The following CDK12 variants were observed in gnomAD, a reference collection of about 807,000 sequenced individuals.
CDK12 encodes the protein cyclin-dependent kinase 12.
Under a neutral mutation model 133.8 loss-of-function variants are expected in CDK12, and 17 were observed. The ratio of observed to expected loss-of-function variants is 0.13; its 90% confidence interval spans 0.09 to 0.19. The LOEUF (loss-of-function observed/expected upper bound fraction) is 0.19, where lower values mean the gene tolerates loss of function less well. CDK12 is among the 10% of genes least tolerant of loss of function. CDK12 has a pLI of 1.00. For missense variants in CDK12, 1,508 were observed against 1,818.7 expected, an observed-to-expected ratio of 0.83 and a Z score of 3.11; for synonymous variants, 694 against 683.6, an observed-to-expected ratio of 1.02 and a Z score of -0.24.
rs1598199468 is a variant in CDK12, at chr17:39,532,699, C to G, written c.*1383C>G. The G allele has an allele frequency of 4.3e-6, 1 of 232,658 alleles. No homozygotes were observed. 14.4% of individuals were successfully genotyped at this position (232,658 alleles called of 1,614,324 possible). ...GCCAGTTCTTTTAGGGATTTTTCCT[C>G]CAAAGAGATTTGGATTTGGTTTTGG... On this transcript the variant is annotated 3_prime_UTR_variant, in exon 14 of 14. Coordinates refer to ENST00000447079, the MANE Select transcript of CDK12 (RefSeq NM_016507.4).
downstream of CDK12, among the ~76,000 whole-genome samples, chr17:39,537,545 TTTTATTTATTTATTTATTTA>T (rs370963468): frequency 7.7e-5 from 11 of 142,562 alleles, no homozygotes; most frequent in East Asian, 7.9e-4. Context: ...AATTCCTTAT[TTTTATTTATTTATTTATTTA>T]TTTATTTATT....
intron 2 of CDK12, among the ~76,000 whole-genome samples, chr17:39,482,599 A>ATTTTTTATTTT (rs2050801676): frequency 1.3e-5 from 1 of 74,392 alleles, no homozygotes; most frequent in East Asian, 5.0e-4. Flanking sequence ...AATCAACTAC[A>ATTTTTTATTTT]TTTTTTTTTT....
chr17:39,473,654 G>C (rs2049968443), intron 2 of CDK12, among the ~76,000 whole-genome samples: 1 of 152,120 alleles, frequency 6.6e-6, no homozygotes, highest in Admixed American at 6.6e-5. Flanking sequence ...ACTTTGGGAG[G>C]CCAAGGCGGG....
intron 8 of CDK12, among the ~76,000 whole-genome samples, chr17:39,513,642 A>G (rs976141660): frequency 9.9e-5 from 15 of 152,246 alleles, no homozygotes; most frequent in Non-Finnish European, 2.2e-4. Flanking sequence ...TGTTGATTAC[A>G]TAATGAAGAT....
At chr17:39,472,074 C>T (rs1160587345) in intron 2 of CDK12, among the ~76,000 whole-genome samples, 3 of 152,086 alleles carry the variant, frequency 2.0e-5, no homozygotes, top group Non-Finnish European at 4.4e-5. Context: ...ACATCTGCCT[C>T]ACAGGTTCAA....
intron 3 of CDK12, among the ~76,000 whole-genome samples, chr17:39,562,861 TTC>T (rs907894157): frequency 6.6e-6 from 1 of 151,148 alleles, no homozygotes; most frequent in Non-Finnish European, 1.5e-5. Flanking sequence ...CCTCCTTTCT[TTC>T]TCTGTCTCTC....
Position 39,531,150 on chromosome 17 carries a change from A to G in CDK12, c.4307A>G (p.Lys1436Arg), listed in dbSNP as rs1315692652. 2 of 1,533,470 alleles carry G rather than the reference A, an allele frequency of 1.3e-6. No individual in the cohort carries two copies. The highest frequency in any genetic ancestry group is 1.8e-6 in the Non-Finnish European group (2 of 1,141,864). The allele number at this position is 1,533,470 out of a possible 1,614,324, so 95.0% of individuals were successfully genotyped here. A position where few individuals can be genotyped will look rare whatever the true frequency, so the allele number is the denominator to read the frequency against. The change falls in exon 14 of 14, where the codon AAA becomes AGA. Residue 1436 changes from lysine to arginine, a missense_variant. Lys to Arg is a conservative substitution (Grantham distance 26). Transcript: ENST00000447079. The stretch of plus-strand genomic sequence containing the variant: ...AATTCTGTGGTACATGCAGAGACCA[A>G]ATTGCAAAACTATGGGGAGCTGGGG... ...SSNSVVHAET[K>R]LQNYGELGPG...
At chr17:39,523,910 C>T (rs1403192766) in intron 11 of CDK12, among the ~76,000 whole-genome samples, 1 of 152,172 alleles carries the variant, frequency 6.6e-6, no homozygotes, top group Non-Finnish European at 1.5e-5. Flanking sequence ...CTCTACCTCC[C>T]AAAGTGCTGG....
intron 6 of CDK12, among the ~76,000 whole-genome samples, chr17:39,508,939 A>G (rs564299133): frequency 7.3e-5 from 11 of 150,288 alleles, no homozygotes; most frequent in Non-Finnish European, 1.2e-4. Context: ...TCAAGGCTAC[A>G]GTGAGCCAGG....
intron 2 of CDK12, among the ~76,000 whole-genome samples, chr17:39,490,266 C>G (rs2051479228): frequency 2.6e-5 from 4 of 151,640 alleles, no homozygotes; most frequent in African/African-American, 2.4e-5. Context: ...ACTTGGGAAG[C>G]TGAGGTAGGA....
At chr17:39,504,971 C>G (rs943960640) in intron 6 of CDK12, among the ~76,000 whole-genome samples, 26 of 150,756 alleles carry the variant, frequency 1.7e-4, no homozygotes, top group Non-Finnish European at 2.7e-4. Context: ...TGGCTCACAC[C>G]TGTAATCCCA....
chr17:39,471,634 C>T lies in CDK12; in HGVS notation c.1802C>T (p.Ser601Phe). Residue 601 changes from serine to phenylalanine, a missense_variant, in exon 2 of 14, where the codon TCT (serine) becomes TTT (phenylalanine). Around this residue, in one of 9 missense-constraint regions of CDK12, gnomAD observed 347 missense variants for 330.8 expected, o/e 1.05. Transcript: ENST00000447079. ...TCTGCTGTGTCCTCTCAGGCAAATT[C>T]TCAGCCCCCTGTACAGGTTTCTGTG... is the stretch of plus-strand genomic sequence containing the variant. ...KTSAVSSQAN[S>F]QPPVQVSVKT... 1 of 1,614,170 alleles carries T rather than the reference C, an allele frequency of 6.2e-7. No homozygotes were observed. The highest frequency in any genetic ancestry group is 8.5e-7 in the Non-Finnish European group (1 of 1,180,022).
chr17:39,487,022 T>C (rs1191252227), intron 2 of CDK12, among the ~76,000 whole-genome samples: 1 of 152,058 alleles, frequency 6.6e-6, no homozygotes, highest in African/African-American at 2.4e-5. Flanking sequence ...AAAAAGAATC[T>C]ATATTACATT....
intron 5 of CDK12, among the ~76,000 whole-genome samples, chr17:39,495,770 G>C (rs1489363113): frequency 6.7e-6 from 1 of 149,490 alleles, no homozygotes; most frequent in African/African-American, 2.5e-5. Flanking sequence ...ACTCCAGCCT[G>C]GGCAATAGAG....
At chr17:39,483,981 T>A (rs2050928592) in intron 2 of CDK12, among the ~76,000 whole-genome samples, 1 of 152,064 alleles carries the variant, frequency 6.6e-6, no homozygotes, top group Non-Finnish European at 1.5e-5. Context: ...TGGCTGGGAT[T>A]ACAGGCATGA....
rs1003756763 is a variant in CDK12, at chr17:39,476,723, T to A, written c.1931+4960T>A. Among the ~76,000 whole-genome samples, 10 of 113,330 alleles carry A rather than the reference T, an allele frequency of 8.8e-5. 1 individual carries two copies. The highest frequency in any genetic ancestry group is 7.9e-4 in the East Asian group (3 of 3,782). 74.3% of individuals were successfully genotyped at this position (113,330 alleles called of 152,430 possible). On this transcript the variant is annotated intron_variant, in intron 2 of 13. Transcript: ENST00000447079. ...CCACCATGCCTGCCTTTTTTTTTTT[T>A]TTTTTTTTTTTTTTTTTGAGACAGA... is the stretch of plus-strand genomic sequence containing the variant.
chr17:39,538,992 G>A (rs1370315694), downstream of CDK12, among the ~76,000 whole-genome samples: 1 of 151,962 alleles, frequency 6.6e-6, no homozygotes, highest in African/African-American at 2.4e-5. Flanking sequence ...GAGATAAAAG[G>A]GAGTGGTAGA....
intron 3 of CDK12, among the ~76,000 whole-genome samples, chr17:39,564,235 A>G (rs1238618636): frequency 6.6e-6 from 1 of 151,942 alleles, no homozygotes; most frequent in African/African-American, 2.4e-5. Context: ...CTACCCCCCA[A>G]CCTTTCTATG....
chr17:39,462,818 T>C lies in CDK12; in HGVS notation c.747T>C (p.Ser249=), dbSNP rs61738642. 62 of 1,614,154 alleles carry C rather than the reference T, an allele frequency of 3.8e-5. No individual in the cohort carries two copies. In the African/African-American group the frequency reaches 8.0e-4, roughly 21 times the overall value. Residue 249 remains serine, a synonymous_variant, in exon 1 of 14, where the codon AGT becomes AGC. Transcript: ENST00000447079. ...GASYGQDYDL[S]PSRSHTSSNY... is the part of the protein sequence containing the mutation. Reference sequence around the variant, plus strand: ...CTTATGGCCAAGATTATGACCTTAGTCCCTCACGATCTCATACCTCGAGCA... The same window carrying C: ...CTTATGGCCAAGATTATGACCTTAGCCCCTCACGATCTCATACCTCGAGCA...
Sources: allele counts gnomAD v4.1 joint callset (sites outside exome capture counted in the v4.1 genomes callset), GRCh38; gene constraint gnomAD v4.1.1; regional missense constraint gnomAD v4.1.1; transcripts MANE v1.5; gene names NCBI Gene and HGNC (gene_info 2026-07-23, HGNC 2026-07-21).